HBS1L: variants seen among roughly 807,000 people sequenced by gnomAD.
HBS1L encodes the protein HBS1-like protein.
A neutral mutation model predicts 88.9 loss-of-function variants in HBS1L; 55 were observed. The observed-to-expected ratio is 0.62, with a 90% CI of 0.50 to 0.77. The LOEUF is 0.77. Ranked by LOEUF, HBS1L falls within the 30% of genes least tolerant of loss-of-function variation. The probability of loss-of-function intolerance (pLI) is 0.00; values close to 1 mark genes in which losing one functional copy is unlikely to be tolerated. For missense variants in HBS1L, 741 were observed against 829.3 expected (o/e 0.89, Z 1.31); for synonymous variants, 267 against 288.5 (o/e 0.93, Z 0.76).
Position 134,987,710 on chromosome 6 carries a change from G to A in HBS1L, c.1165C>T (p.His389Tyr). The change falls in exon 9 of 18, where the codon CAT becomes TAT. Residue 389 changes from histidine to tyrosine, a missense_variant. By Grantham distance (83) the His-to-Tyr change is moderately conservative. This residue lies in a region of HBS1L where 556 missense variants were observed against 598.4 expected (regional missense o/e 0.93). Transcript: ENST00000367837. ...GFETGGQTRE[H>Y]GLLVRSLGVT... ...CCCAGAGAACGGACCAAGAGTCCAT[G>A]CTCTCGTGTTTGTCCTCCAGTCTCA... 6.2e-7 allele frequency: 1 copy of A among 1,609,806 alleles called. No homozygotes were observed. Among genetic ancestry groups the A allele is most frequent in the Non-Finnish European group, 8.5e-7 (1 of 1,177,864 alleles).
At position 135,002,789 on chromosome 6, in the gene HBS1L, C is replaced by T. The variant is rs758328637; in HGVS notation, c.484G>A (p.Val162Ile). 1.5e-5 allele frequency: 24 copies of T among 1,613,328 alleles called. No homozygotes were observed. In the African/African-American group the frequency reaches 2.9e-4, roughly 20 times the overall value. ...TTTCCAGATACAGTCATTTTAGCAACTTTTGGCACAATTTCAGATTCACTT... is the reference window on the plus strand; with the variant it reads ...TTTCCAGATACAGTCATTTTAGCAATTTTTGGCACAATTTCAGATTCACTT... ...SRSESEIVPK[V>I]AKMTVSGKKQ... is the part of the protein sequence containing the mutation. Residue 162 changes from valine to isoleucine, a missense_variant, in exon 5 of 18, where the codon GTT (valine) becomes ATT (isoleucine). Physicochemically the swap from Val to Ile is conservative, Grantham distance 29. Coordinates refer to ENST00000367837, the MANE Select transcript of HBS1L (RefSeq NM_006620.4).
chr6:135,009,188 G>T (rs1002404930), intron 4 of HBS1L, among the ~76,000 whole-genome samples: 13 of 152,070 alleles, frequency 8.5e-5, no homozygotes, highest in Admixed American at 8.5e-4. Flanking sequence ...GTTCAGACAG[G>T]CTGATCTGCC....
chr6:134,965,213 C>A lies in HBS1L; in HGVS notation c.*66G>T. On this transcript the variant is annotated 3_prime_UTR_variant, in exon 18 of 18. Coordinates refer to ENST00000367837, the MANE Select transcript of HBS1L (RefSeq NM_006620.4). ...GCACATTGTTCCTTTGACTTAATAA[C>A]TGCATTCTTGAAACAGAGGTTAGCT... 1.6e-6 allele frequency: 2 copies of A among 1,269,756 alleles called. No homozygotes were observed. The highest frequency in any genetic ancestry group is 4.6e-5 in the East Asian group (2 of 43,078). The allele number at this position is 1,269,756 out of a possible 1,614,324, so 78.7% of individuals were successfully genotyped here.
chr6:134,981,339 A>C (rs1356359190), intron 13 of HBS1L, among the ~76,000 whole-genome samples: 1 of 152,018 alleles, frequency 6.6e-6, no homozygotes, highest in South Asian at 2.1e-4. Flanking sequence ...TTTAAAGTGC[A>C]TATTACTTTT....
chr6:135,005,045 T>C lies in HBS1L; in HGVS notation c.431-2203A>G, dbSNP rs185076784. ...GGAAGACAGTGTTATGGAGTTGGCA[T>C]TACCAGGATCTGGGGCTCTGGGCCA... On this transcript the variant is annotated intron_variant, in intron 4 of 17. Transcript: ENST00000367837. Among the ~76,000 whole-genome samples, 235 of 152,320 alleles carry C rather than the reference T, an allele frequency of 1.5e-3. 1 individual carries two copies. Among genetic ancestry groups the C allele is most frequent in the Admixed American group, 4.1e-3 (62 of 15,294 alleles).
intron 15 of HBS1L, among the ~76,000 whole-genome samples, chr6:134,973,415 T>C (rs150140552): frequency 6.6e-4 from 100 of 152,182 alleles, no homozygotes; most frequent in African/African-American, 2.3e-3. Flanking sequence ...AGAAAGTAAG[T>C]AGAAGAATGG....
At chr6:134,994,627 T>A (rs568721629) in intron 7 of HBS1L, among the ~76,000 whole-genome samples, 10 of 152,236 alleles carry the variant, frequency 6.6e-5, no homozygotes, top group African/African-American at 2.2e-4. Context: ...ATTATACACA[T>A]AGCCTGAAGG....
chr6:135,026,504 G>A (rs557001171), intron 4 of HBS1L, among the ~76,000 whole-genome samples: 1 of 152,060 alleles, frequency 6.6e-6, no homozygotes, highest in Admixed American at 6.5e-5. Flanking sequence ...TAAAATGACA[G>A]ACATTATTAT....
At chr6:134,982,014 A>AAC (rs1774844844) in intron 13 of HBS1L, among the ~76,000 whole-genome samples, 1 of 152,026 alleles carries the variant, frequency 6.6e-6, no homozygotes, top group African/African-American at 2.4e-5. Context: ...TTTTGGCATA[A>AAC]ACATGATCAA....
rs377738566 is a variant in HBS1L, at chr6:135,054,628, C to T, written c.43+21G>A. On this transcript the variant is annotated intron_variant, in intron 1 of 17. Coordinates refer to ENST00000367837, the MANE Select transcript of HBS1L (RefSeq NM_006620.4). The stretch of plus-strand genomic sequence containing the variant: ...AGCTGTAGCCGGGAAAAGAACGTCC[C>T]GGCATGACCCTGCCACCTACCTTCA... The T allele has an allele frequency of 8.6e-5, 138 of 1,613,822 alleles. 1 individual carries two copies. Among genetic ancestry groups the T allele is most frequent in the Admixed American group, 2.7e-4 (16 of 60,006 alleles).
rs181237063 is a variant in HBS1L at position 134,976,704 on chromosome 6, G to A, written c.1797+1975C>T. ...CTTAAAAGTGGGAGCTAAGCTATGG[G>A]TACACAAAGACATACAGAACAGTAT... On this transcript the variant is annotated intron_variant, in intron 15 of 17. Transcript: ENST00000367837. Among the ~76,000 whole-genome samples the A allele has an allele frequency of 3.5e-3, 532 of 152,088 alleles. 1 individual carries two copies. The highest frequency in any genetic ancestry group is 5.3e-3 in the Non-Finnish European group (358 of 67,922).
chr6:135,045,150 T>A (rs1347258147), intron 2 of HBS1L, among the ~76,000 whole-genome samples: 1 of 88,818 alleles, frequency 1.1e-5, no homozygotes, highest in East Asian at 3.4e-4. Context: ...TTTCAAAGGG[T>A]GGGTGGGTGA....
chr6:135,042,726 C>T (rs1776778613), intron 2 of HBS1L, among the ~76,000 whole-genome samples: 1 of 151,572 alleles, frequency 6.6e-6, no homozygotes, highest in South Asian at 2.1e-4. Flanking sequence ...GGCAGGGGAA[C>T]CGTTTGAACC....
chr6:135,028,469 C>T (rs1036371598), intron 4 of HBS1L, among the ~76,000 whole-genome samples: 1 of 149,026 alleles, frequency 6.7e-6, no homozygotes, highest in East Asian at 2.0e-4. Flanking sequence ...AAATTTGACC[C>T]CAGAATCTTC....
intron 7 of HBS1L, among the ~76,000 whole-genome samples, chr6:134,994,509 T>G (rs566549718): frequency 6.6e-6 from 1 of 152,222 alleles, no homozygotes; most frequent in Non-Finnish European, 1.5e-5. Flanking sequence ...ACTAGAAGCT[T>G]TTCAAATTAC....
At chr6:135,043,345 T>C (rs952196571) in intron 2 of HBS1L, among the ~76,000 whole-genome samples, 1 of 152,228 alleles carries the variant, frequency 6.6e-6, no homozygotes, top group Non-Finnish European at 1.5e-5. Flanking sequence ...GCACAAAACA[T>C]GTTAAGTTCA....
chr6:135,019,466 T>G (rs1195212787), intron 4 of HBS1L, among the ~76,000 whole-genome samples: 1 of 151,946 alleles, frequency 6.6e-6, no homozygotes, highest in Non-Finnish European at 1.5e-5. Flanking sequence ...TTAAACTGTA[T>G]TAATCAAATT....
intron 4 of HBS1L, among the ~76,000 whole-genome samples, chr6:135,015,324 G>A (rs1775888214): frequency 6.6e-6 from 1 of 152,108 alleles, no homozygotes; most frequent in Admixed American, 6.5e-5. Flanking sequence ...GAGGTCATTT[G>A]GTCTTGTCCA....
intron 16 of HBS1L, 143 bp from the exon 17 acceptor site, chr6:134,966,616 A>AAT (rs1486194246): frequency 1.8e-6 from 1 of 561,738 alleles, no homozygotes; most frequent in East Asian, 3.0e-5. Flanking sequence ...TTTGAATGAA[A>AAT]ATATATGTCT....
Sources: gnomAD v4.1 joint callset for allele counts (sites outside exome capture counted in the v4.1 genomes callset) on GRCh38, gnomAD v4.1.1 for gene constraint, gnomAD v4.1.1 regional missense constraint, MANE v1.5 for transcripts, NCBI Gene and HGNC (gene_info 2026-07-23, HGNC 2026-07-21) for gene names.